The following RMST variants were observed in gnomAD, a reference collection of about 807,000 sequenced individuals.
RMST encodes the protein rhabdomyosarcoma 2 associated transcript, also known as long intergenic non-protein coding RNA 54.
chr12:97,465,352 T>C (rs1873057288), intron 4 of RMST, among the ~76,000 whole-genome samples: 1 of 152,208 alleles, frequency 6.6e-6, no homozygotes, highest in Admixed American at 6.5e-5. Flanking sequence ...GTTTGTGTGC[T>C]ACTTAATGGT....
At chr12:97,560,119 C>T (rs1358903575) in intron 11 of RMST, among the ~76,000 whole-genome samples, 1 of 151,972 alleles carries the variant, frequency 6.6e-6, no homozygotes, top group African/African-American at 2.4e-5. Flanking sequence ...AATTATCCCT[C>T]TAATTTTCCA....
chr12:97,481,526 A>T (rs1026404356), intron 5 of RMST, among the ~76,000 whole-genome samples: 13 of 152,114 alleles, frequency 8.5e-5, no homozygotes, highest in Admixed American at 8.5e-4. Context: ...CACATTTCAG[A>T]TATATTTTTT....
chr12:97,510,322 G>T (rs1034564102), intron 10 of RMST, among the ~76,000 whole-genome samples: 1 of 152,144 alleles, frequency 6.6e-6, no homozygotes, highest in Non-Finnish European at 1.5e-5. Flanking sequence ...CAGAGGGGCA[G>T]ATTAAGCCCA....
At chr12:97,473,665 A>G (rs989829414) in intron 5 of RMST, among the ~76,000 whole-genome samples, 5 of 152,288 alleles carry the variant, frequency 3.3e-5, no homozygotes, top group South Asian at 2.1e-4. Flanking sequence ...ATTTACCCAC[A>G]TAGATAAAAA....
Position 97,481,553 on chromosome 12 carries a change from C to A in RMST, n.645-10908C>A, listed in dbSNP as rs567061630. ...ATATTTTTTTCATACCGAGAAATAG[C>A]ATGCTGAGCTTTGCTGTCCCCAAAA... On this transcript the variant is annotated intron_variant and non_coding_transcript_variant, in intron 5 of 13. Transcript: ENST00000640149. 7.2e-5 allele frequency among the ~76,000 whole-genome samples: 11 copies of A among 152,080 alleles called. No individual in the cohort carries two copies. The South Asian group carries it at 2.3e-3, about 32-fold the overall frequency.
At chr12:97,515,008 T>C (rs1373388491) in intron 10 of RMST, among the ~76,000 whole-genome samples, 1 of 152,166 alleles carries the variant, frequency 6.6e-6, no homozygotes, top group African/African-American at 2.4e-5. Context: ...AAGCTAAAGC[T>C]ATGATATTGA....
chr12:97,551,706 T>C (rs1319309794), intron 11 of RMST: 1 of 152,190 alleles, frequency 6.6e-6, no homozygotes, highest in Non-Finnish European at 1.5e-5. Flanking sequence ...GCTTATTATT[T>C]TCATGTTTGT....
chr12:97,487,767 G>A (rs1303715477), intron 5 of RMST, among the ~76,000 whole-genome samples: 1 of 152,178 alleles, frequency 6.6e-6, no homozygotes, highest in Non-Finnish European at 1.5e-5. Context: ...ATGAAACCAG[G>A]TTGCCATGTT....
chr12:97,511,820 T>C (rs148306248), intron 10 of RMST, among the ~76,000 whole-genome samples: 2 of 152,338 alleles, frequency 1.3e-5, no homozygotes. Flanking sequence ...TTAAGTCTCA[T>C]AGGCTAACTA....
At chr12:97,467,257 T>C (rs1873300167) in intron 5 of RMST, among the ~76,000 whole-genome samples, 1 of 152,028 alleles carries the variant, frequency 6.6e-6, no homozygotes, top group Non-Finnish European at 1.5e-5. Context: ...TCTTTGCACC[T>C]CAATTCTTTC....
At chr12:97,470,374 C>T (rs758773188) in intron 5 of RMST, among the ~76,000 whole-genome samples, 20 of 151,906 alleles carry the variant, frequency 1.3e-4, no homozygotes, top group Non-Finnish European at 2.2e-4. Context: ...GCCTCCACTG[C>T]CTAGCACGGT....
At chr12:97,520,278 C>G (rs189754491) in intron 10 of RMST, among the ~76,000 whole-genome samples, 2 of 152,184 alleles carry the variant, frequency 1.3e-5, no homozygotes, top group Non-Finnish European at 2.9e-5. Context: ...TTACAAGTGT[C>G]GCAGTGGGGC....
chr12:97,521,949 T>C (rs892817883), intron 10 of RMST, among the ~76,000 whole-genome samples: 1 of 152,218 alleles, frequency 6.6e-6, no homozygotes, highest in Non-Finnish European at 1.5e-5. Context: ...TTGTTTTAGT[T>C]TCTTATCTCA....
intron 11 of RMST, among the ~76,000 whole-genome samples, chr12:97,547,713 G>T (rs188861044): frequency 6.6e-6 from 1 of 152,100 alleles, no homozygotes. Flanking sequence ...GTCTATTCAG[G>T]TGCTTTGCTC....
chr12:97,543,995 A>G (rs1882746901), intron 11 of RMST, among the ~76,000 whole-genome samples: 1 of 152,082 alleles, frequency 6.6e-6, no homozygotes, highest in Admixed American at 6.6e-5. Flanking sequence ...TCTAAGAAGT[A>G]GGAATCTGTA....
At chr12:97,546,207 T>C (rs1882917164) in intron 11 of RMST, among the ~76,000 whole-genome samples, 1 of 152,158 alleles carries the variant, frequency 6.6e-6, no homozygotes, top group Non-Finnish European at 1.5e-5. Flanking sequence ...TGAGGACTTT[T>C]AATTTTTCCC....
intron 13 of RMST, chr12:97,563,705 G>A (rs940159150): frequency 4.6e-6 from 2 of 436,360 alleles, no homozygotes; most frequent in African/African-American, 2.1e-5. Context: ...TGTGCTTCCT[G>A]TCACTTATGT....
chr12:97,531,940 G>A (rs1437554343), intron 11 of RMST, among the ~76,000 whole-genome samples: 3 of 151,928 alleles, frequency 2.0e-5, no homozygotes, highest in East Asian at 1.9e-4. Context: ...CATGGGAGAC[G>A]AGACATTATC....
chr12:97,471,666 G>T (rs1873933386), intron 5 of RMST, among the ~76,000 whole-genome samples: 1 of 152,124 alleles, frequency 6.6e-6, no homozygotes, highest in Admixed American at 6.6e-5. Context: ...CATAAACCTT[G>T]GCCCTTAGCT....
Sources: gnomAD v4.1 joint callset for allele counts (sites outside exome capture counted in the v4.1 genomes callset) on GRCh38, gnomAD v4.1.1 for gene constraint, MANE v1.5 for transcripts, NCBI Gene and HGNC (gene_info 2026-07-23, HGNC 2026-07-21) for gene names.